Variants in RABGAP1L observed in about 807,000 individuals in gnomAD.
The protein encoded by RABGAP1L is RAB GTPase activating protein 1 like.
Under a neutral mutation model 137.7 loss-of-function variants are expected in RABGAP1L, and 63 were observed. The ratio of observed to expected loss-of-function variants is 0.46; its 90% CI spans 0.37 to 0.56. The LOEUF is 0.56. RABGAP1L is among the 20% of genes least tolerant of loss of function. The pLI is 0.00. For synonymous variants in RABGAP1L, 431 were observed against 433.7 expected, an observed-to-expected ratio of 0.99 and a Z score of 0.08; for missense variants, 1,095 against 1,244.0, an observed-to-expected ratio of 0.88 and a Z score of 1.80.
At chr1:174,554,382 A>C (rs1305438893) in intron 13 of RABGAP1L, among the ~76,000 whole-genome samples, 5 of 152,180 alleles carry the variant, frequency 3.3e-5, no homozygotes, top group Non-Finnish European at 7.4e-5. Flanking sequence ...CAATGTGTTC[A>C]TAATTAGGTT....
At chr1:174,207,606 T>C (rs1010626253) in intron 1 of RABGAP1L, among the ~76,000 whole-genome samples, 1 of 152,218 alleles carries the variant, frequency 6.6e-6, no homozygotes, top group Non-Finnish European at 1.5e-5. Context: ...GGAATCCATC[T>C]TGCTATCCCA....
At chr1:174,607,995 G>A (rs985768696) in intron 13 of RABGAP1L, among the ~76,000 whole-genome samples, 1 of 152,142 alleles carries the variant, frequency 6.6e-6, no homozygotes, top group African/African-American at 2.4e-5. Flanking sequence ...TACAAATGTC[G>A]TGAATCATGG....
At chr1:174,654,500 A>G (rs918375469) in intron 14 of RABGAP1L, among the ~76,000 whole-genome samples, 3 of 152,204 alleles carry the variant, frequency 2.0e-5, no homozygotes, top group East Asian at 1.9e-4. Context: ...TTCATTTTGT[A>G]TAGTTCATGA....
rs766305523 is a variant in RABGAP1L at position 174,241,467 on chromosome 1, C to T, written c.543-16C>T. 1.4e-6 allele frequency: 2 copies of T among 1,448,738 alleles called. No homozygotes were observed. The highest frequency in any genetic ancestry group is 1.5e-5 in the South Asian group (1 of 66,068). The allele number at this position is 1,448,738 out of a possible 1,614,324, so 89.7% of individuals were successfully genotyped here. ...AGAATTAATATTTTATCTAACTTTT[C>T]ATTACTGTTCTACAGAATTATAGAC... On this transcript the variant is annotated splice_polypyrimidine_tract_variant and intron_variant, in intron 4 of 25. Transcript: ENST00000681986.
intron 13 of RABGAP1L, among the ~76,000 whole-genome samples, chr1:174,577,913 C>T (rs1355215769): frequency 3.9e-5 from 6 of 152,176 alleles, no homozygotes; most frequent in African/African-American, 1.4e-4. Flanking sequence ...CTCTAGGGAA[C>T]AGCAGTTTCT....
chr1:174,877,413 G>T, intron 19 of RABGAP1L: 1 of 1,588,798 alleles, frequency 6.3e-7, no homozygotes. Flanking sequence ...CACTGGCACT[G>T]AGCTGCAGTA....
chr1:174,426,982 C>T (rs1362862939), intron 13 of RABGAP1L, among the ~76,000 whole-genome samples: 1 of 151,960 alleles, frequency 6.6e-6, no homozygotes, highest in Non-Finnish European at 1.5e-5. Flanking sequence ...CCACACTTAT[C>T]AAAGCTTTAG....
At chr1:174,199,758 G>A (rs1332702120) in intron 1 of RABGAP1L, among the ~76,000 whole-genome samples, 1 of 152,164 alleles carries the variant, frequency 6.6e-6, no homozygotes, top group East Asian at 1.9e-4. Context: ...GTTTCCATGA[G>A]TCAAAAATCA....
At chr1:174,455,622 T>C (rs1655955345) in intron 13 of RABGAP1L, among the ~76,000 whole-genome samples, 1 of 152,136 alleles carries the variant, frequency 6.6e-6, no homozygotes, top group Admixed American at 6.5e-5. Context: ...AATAGAGTTC[T>C]AAGTTTAATA....
intron 19 of RABGAP1L, among the ~76,000 whole-genome samples, chr1:174,870,010 C>G (rs889949097): frequency 9.2e-5 from 14 of 152,182 alleles, no homozygotes; most frequent in Non-Finnish European, 1.8e-4. Context: ...CAGACTAAGA[C>G]AGTCACATAG....
chr1:174,233,939 C>G (rs1558054998), intron 4 of RABGAP1L, among the ~76,000 whole-genome samples: 1 of 131,044 alleles, frequency 7.6e-6, no homozygotes, highest in Non-Finnish European at 1.5e-5. Flanking sequence ...TGTTTCCTGA[C>G]TTTTTAATGA....
At chr1:174,369,519 A>G (rs1052651267) in intron 11 of RABGAP1L, among the ~76,000 whole-genome samples, 8 of 152,236 alleles carry the variant, frequency 5.3e-5, no homozygotes, top group Non-Finnish European at 8.8e-5. Context: ...TCACTATAAA[A>G]AGTGCCTCAG....
chr1:174,864,378 A>G (rs1650842263), intron 19 of RABGAP1L, among the ~76,000 whole-genome samples: 1 of 152,246 alleles, frequency 6.6e-6, no homozygotes, highest in Non-Finnish European at 1.5e-5. Flanking sequence ...CTGCTAATAA[A>G]GACATACCAG....
chr1:174,816,389 A>AC (rs755063090), intron 19 of RABGAP1L, among the ~76,000 whole-genome samples: 1 of 150,910 alleles, frequency 6.6e-6, no homozygotes, highest in South Asian at 2.1e-4. Flanking sequence ...CAGGTTATCC[A>AC]CCCCCCTTGG....
chr1:174,291,352 T>C (rs953666070), intron 10 of RABGAP1L, among the ~76,000 whole-genome samples: 8 of 152,150 alleles, frequency 5.3e-5, no homozygotes, highest in African/African-American at 1.9e-4. Flanking sequence ...TATATCACTT[T>C]ATTGACCCAG....
chr1:174,712,844 G>A (rs1224085045), intron 17 of RABGAP1L, among the ~76,000 whole-genome samples: 2 of 152,138 alleles, frequency 1.3e-5, no homozygotes, highest in Non-Finnish European at 2.9e-5. Context: ...TGGCCTGCTG[G>A]TGTCTGCCAG....
chr1:174,935,934 T>C (rs1031698639), intron 19 of RABGAP1L, among the ~76,000 whole-genome samples: 12 of 140,360 alleles, frequency 8.5e-5, no homozygotes, highest in Admixed American at 7.8e-5. Context: ...TGAGCCAAGA[T>C]TGCACCATTG....
chr1:174,346,920 T>A (rs1473110319), intron 11 of RABGAP1L, among the ~76,000 whole-genome samples: 2 of 152,102 alleles, frequency 1.3e-5, no homozygotes, highest in Non-Finnish European at 2.9e-5. Context: ...TATGTTCTGT[T>A]TTCATTTTCA....
rs561585028 is a variant in RABGAP1L, at chr1:174,398,821, T to C, written c.1710+4676T>C. Among the ~76,000 whole-genome samples, 50 of 152,330 alleles carry C rather than the reference T, an allele frequency of 3.3e-4. No homozygotes were observed. The South Asian group carries it at 9.5e-3, about 29-fold the overall frequency. ...GAAAACTACCTTTCTGTTCCCCAAC[T>C]GCCTCTTAATAGTGACACTAGTTGA... On this transcript the variant is annotated intron_variant, in intron 13 of 25. Coordinates refer to ENST00000681986, the MANE Select transcript of RABGAP1L (RefSeq NM_001366446.1).
Sources: gnomAD v4.1 joint callset for allele counts (sites outside exome capture counted in the v4.1 genomes callset) on GRCh38, gnomAD v4.1.1 for gene constraint, MANE v1.5 for transcripts, NCBI Gene and HGNC (gene_info 2026-07-23, HGNC 2026-07-21) for gene names.